The following SRP68 variants were observed in gnomAD, a reference collection of about 807,000 sequenced individuals.
The protein encoded by SRP68 is signal recognition particle subunit SRP68.
In SRP68, 15 loss-of-function variants were observed where a neutral mutation model predicts 82.2. That is an observed-to-expected ratio of 0.18 (90% CI 0.12 to 0.28). The LOEUF (loss-of-function observed/expected upper bound fraction) is 0.28, where lower values mean the gene tolerates loss of function less well. Among genes scored for constraint, SRP68 ranks in the 10% least tolerant of loss-of-function variants. SRP68 has a pLI of 1.00. For missense variants in SRP68, 595 were observed against 780.5 expected (o/e 0.76, Z 2.83); for synonymous variants, 261 against 292.6 (o/e 0.89, Z 1.10).
Position 76,072,369 on chromosome 17 carries a change from G to A in SRP68, c.123C>T (p.Asn41=), listed in dbSNP as rs776338078. 1.2e-6 allele frequency: 2 copies of A among 1,612,270 alleles called. No individual in the cohort carries two copies. Among genetic ancestry groups the A allele is most frequent in the Non-Finnish European group, 1.7e-6 (2 of 1,179,754 alleles). Reference sequence around the variant, plus strand: ...CCTTCGATCCGGCCGAAGGGCGTTCGTTTTCTTTATTTTCTTCCCCTCCGG... The same window carrying A: ...CCTTCGATCCGGCCGAAGGGCGTTCATTTTCTTTATTTTCTTCCCCTCCGG... ...RGAGGEENKE[N]ERPSAGSKAN... is the part of the protein sequence containing the mutation. Residue 41 remains asparagine, a synonymous_variant, in exon 1 of 16, where the codon AAC becomes AAT. Transcript: ENST00000307877. This position sits in a 1 kb window ranked among gnomAD's most constrained non-coding sequence, Gnocchi z 4.5.
intron 14 of SRP68, 172 bp from the exon 15 acceptor site, chr17:76,040,646 C>G: frequency 1.4e-6 from 1 of 713,006 alleles, no homozygotes; most frequent in East Asian, 2.7e-5. Context: ...AGATCAATCC[C>G]AGATCCAATG....
chr17:76,064,957 A>C (rs1023713188), intron 3 of SRP68, among the ~76,000 whole-genome samples: 1 of 152,130 alleles, frequency 6.6e-6, no homozygotes, highest in South Asian at 2.1e-4. Context: ...TGGGCAAAGT[A>C]CTAACCTTTC....
intron 4 of SRP68, 141 bp from the exon 5 acceptor site, chr17:76,061,715 C>T (rs2066753495): frequency 1.7e-6 from 1 of 590,254 alleles, no homozygotes; most frequent in Non-Finnish European, 2.9e-6. Flanking sequence ...AATCCCAGCA[C>T]TTTGGGAGGC....
chr17:76,054,589 C>T (rs527669563), intron 8 of SRP68, among the ~76,000 whole-genome samples: 3 of 152,220 alleles, frequency 2.0e-5, no homozygotes, highest in Non-Finnish European at 2.9e-5. Context: ...CTGTGGCTCA[C>T]GCCTGTAATC....
chr17:76,058,446 G>A (rs968617257), intron 7 of SRP68, among the ~76,000 whole-genome samples: 4 of 151,798 alleles, frequency 2.6e-5, no homozygotes, highest in African/African-American at 9.7e-5. Context: ...TTTTGTAGAG[G>A]TGGGGTCTCA....
In SRP68 at chr17:76,040,446, G is replaced by A; in HGVS notation, c.1629C>T (p.Thr543=). The change falls in exon 15 of 16, where the codon ACC becomes ACT. Residue 543 remains threonine (T), a synonymous_variant. Transcript: ENST00000307877. ...LDANDAHQTE[T]SSSQVKDNKP... Reference sequence around the variant, plus strand: ...TATTGTCCTTGACTTGGGAGGAGGAGGTCTCTGTTTGATGAGCGTCGTTTG... The same window carrying A: ...TATTGTCCTTGACTTGGGAGGAGGAAGTCTCTGTTTGATGAGCGTCGTTTG... The A allele has an allele frequency of 6.2e-7, 1 of 1,614,130 alleles. No individual in the cohort carries two copies. The highest frequency in any genetic ancestry group is 8.5e-7 in the Non-Finnish European group (1 of 1,179,974).
chr17:76,042,930 C>G (rs1027131104), intron 13 of SRP68, among the ~76,000 whole-genome samples: 5 of 152,118 alleles, frequency 3.3e-5, no homozygotes, highest in Admixed American at 6.6e-5. Context: ...TTTAACAGAC[C>G]CCCAAATGGC....
intron 8 of SRP68, chr17:76,053,495 A>C: frequency 1.0e-6 from 1 of 985,336 alleles, no homozygotes; most frequent in Non-Finnish European, 1.2e-6. Flanking sequence ...GGTACAGTTC[A>C]AGTTTAAAAC....
intron 10 of SRP68, 97 bp downstream of exon 10, chr17:76,047,809 G>T (rs2066642580): frequency 2.5e-5 from 14 of 567,434 alleles, no homozygotes; most frequent in Non-Finnish European, 3.6e-5. Flanking sequence ...ACAAAGAAAA[G>T]AAATTATAAA....
At chr17:76,069,792 A>G (rs974992358) in intron 2 of SRP68, among the ~76,000 whole-genome samples, 24 of 151,730 alleles carry the variant, frequency 1.6e-4, no homozygotes, top group African/African-American at 5.8e-4. Flanking sequence ...AAAAAAAGAA[A>G]TAGGCCAGAC....
intron 13 of SRP68, among the ~76,000 whole-genome samples, chr17:76,041,940 G>C (rs1431521881): frequency 6.6e-6 from 1 of 151,876 alleles, no homozygotes; most frequent in African/African-American, 2.4e-5. Flanking sequence ...TTGCCGCCCA[G>C]GGGCGTGATC....
At chr17:76,053,460 G>A in intron 8 of SRP68, 3 of 985,218 alleles carry the variant, frequency 3.0e-6, no homozygotes, top group Non-Finnish European at 3.6e-6. Flanking sequence ...AGCTACACAG[G>A]ATTTGCCTCT....
chr17:76,064,840 CAAAAA>C (rs11329369), intron 3 of SRP68, among the ~76,000 whole-genome samples: 2 of 83,560 alleles, frequency 2.4e-5, no homozygotes, highest in African/African-American at 4.6e-5. Flanking sequence ...GACTCCATCT[CAAAAA>C]AAAAAAAAAA....
intron 8 of SRP68, among the ~76,000 whole-genome samples, chr17:76,052,224 C>T (rs962692621): frequency 2.0e-5 from 3 of 152,132 alleles, no homozygotes; most frequent in African/African-American, 4.8e-5. Context: ...ATGTGTTGAG[C>T]GGCTACTGCA....
At chr17:76,041,014 G>A (rs1211131240) in intron 13 of SRP68, 36 bp from the exon 14 acceptor site, 2 of 1,590,248 alleles carry the variant, frequency 1.3e-6, no homozygotes, top group Non-Finnish European at 1.7e-6. Flanking sequence ...CCCGAGCCAG[G>A]GCCAGGTCAG....
At chr17:76,069,568 A>G (rs1470570835) in intron 2 of SRP68, among the ~76,000 whole-genome samples, 1 of 150,954 alleles carries the variant, frequency 6.6e-6, no homozygotes, top group African/African-American at 2.4e-5. Flanking sequence ...TTAGCCGGGC[A>G]TGGTGGCATG....
At chr17:76,055,170 C>A (rs1482162515) in intron 8 of SRP68, among the ~76,000 whole-genome samples, 2 of 151,940 alleles carry the variant, frequency 1.3e-5, no homozygotes, top group Non-Finnish European at 2.9e-5. Context: ...CCATGTTGGC[C>A]AGGCTGGTCT....
intron 4 of SRP68, among the ~76,000 whole-genome samples, chr17:76,062,606 T>TATTATATAATATAC (rs2066766027): frequency 9.1e-5 from 8 of 88,094 alleles, no homozygotes; most frequent in African/African-American, 2.3e-4. Context: ...ATACATTATA[T>TATTATATAATATAC]ATTATATAAT....
chr17:76,061,479 C>G lies in SRP68; in HGVS notation c.644+13G>C. On this transcript the variant is annotated intron_variant, in intron 5 of 15. Coordinates refer to ENST00000307877, the MANE Select transcript of SRP68 (RefSeq NM_014230.4). ...ATTAAAACTGGCCACAGCCTTTGGA[C>G]TATAGGACTTACTTGCATTTGTTAA... 6.2e-7 allele frequency: 1 copy of G among 1,610,460 alleles called. No individual in the cohort carries two copies. Among genetic ancestry groups the G allele is most frequent in the Non-Finnish European group, 8.5e-7 (1 of 1,177,388 alleles).
Sources: gnomAD v4.1 joint callset for allele counts (sites outside exome capture counted in the v4.1 genomes callset) on GRCh38, gnomAD v4.1.1 for gene constraint, Gnocchi (gnomAD v3.1) non-coding constraint, MANE v1.5 for transcripts, NCBI Gene and HGNC (gene_info 2026-07-23, HGNC 2026-07-21) for gene names.